DNMBP: variants seen among roughly 807,000 people sequenced by gnomAD.
DNMBP encodes the protein dynamin binding protein.
In DNMBP, 87 loss-of-function variants were observed where a neutral mutation model predicts 150.0. The observed-to-expected ratio is 0.58, with a 90% CI of 0.49 to 0.69. The LOEUF (loss-of-function observed/expected upper bound fraction) is 0.69, where lower values mean the gene tolerates loss of function less well. Ranked by LOEUF, DNMBP falls within the 30% of genes least tolerant of loss-of-function variation. The probability of loss-of-function intolerance (pLI) is 0.00; values close to 1 mark genes in which losing one functional copy is unlikely to be tolerated. For missense variants in DNMBP, 1,774 were observed against 1,949.0 expected, an observed-to-expected ratio of 0.91 and a Z score of 1.69; for synonymous variants, 711 against 750.4, an observed-to-expected ratio of 0.95 and a Z score of 0.86.
chr10:99,900,208 A>T, intron 6 of DNMBP, 142 bp from the exon 7 acceptor site: 1 of 809,666 alleles, frequency 1.2e-6, no homozygotes, highest in South Asian at 1.8e-5. Context: ...ATCAAATAGT[A>T]AGAAACTTCC....
In DNMBP at chr10:100,003,665, G is replaced by A. The variant is rs371562299; in HGVS notation, c.-11+6173C>T. Among the ~76,000 whole-genome samples the A allele has an allele frequency of 1.3e-4, 20 of 152,092 alleles. No individual in the cohort carries two copies. The South Asian group carries it at 3.7e-3, about 28-fold the overall frequency. Reference sequence around the variant, plus strand: ...GAGTTACTGGCCAGGGCCCAGCCAGGGCAACAGAGTGAGACCTCATCTCTA... The same window carrying A: ...GAGTTACTGGCCAGGGCCCAGCCAGAGCAACAGAGTGAGACCTCATCTCTA... On this transcript the variant is annotated intron_variant, in intron 1 of 16. Transcript: ENST00000324109.
At chr10:99,883,967 T>A in intron 15 of DNMBP, 44 bp downstream of exon 15, 1 of 1,313,628 alleles carries the variant, frequency 7.6e-7, no homozygotes, top group Non-Finnish European at 1.0e-6. Flanking sequence ...AAAACTACTA[T>A]TTTTTTTTTC....
At chr10:99,946,988 C>A (rs1268717241) in intron 4 of DNMBP, among the ~76,000 whole-genome samples, 2 of 152,166 alleles carry the variant, frequency 1.3e-5, no homozygotes, top group Non-Finnish European at 2.9e-5. Context: ...CATCGCTAAT[C>A]ATCAGAGAAG....
chr10:99,953,000 G>A (rs910491582), intron 4 of DNMBP, among the ~76,000 whole-genome samples: 24 of 152,146 alleles, frequency 1.6e-4, no homozygotes, highest in African/African-American at 5.8e-4. Flanking sequence ...CAAGCCAAAA[G>A]TGACATGTAT....
intron 3 of DNMBP, chr10:99,957,545 C>T (rs968843444): frequency 1.1e-5 from 3 of 262,862 alleles, no homozygotes; most frequent in Non-Finnish European, 2.2e-5. Context: ...GTGATTAAAA[C>T]TGCTGGCCAG....
intron 1 of DNMBP, among the ~76,000 whole-genome samples, chr10:99,996,662 GTCTT>G (rs1289781124): frequency 2.0e-5 from 3 of 152,268 alleles, no homozygotes; most frequent in Middle Eastern, 3.4e-3. Context: ...TTTATTGAAT[GTCTT>G]TCTTTTTCTA....
chr10:99,925,046 T>C (rs562198020), intron 4 of DNMBP, among the ~76,000 whole-genome samples: 31 of 152,318 alleles, frequency 2.0e-4, no homozygotes, highest in Admixed American at 1.2e-3. Flanking sequence ...CCCGAGTCCA[T>C]ATCCTCTCTT....
chr10:99,937,132 A>C (rs1465615253), intron 4 of DNMBP, among the ~76,000 whole-genome samples: 3 of 151,604 alleles, frequency 2.0e-5, no homozygotes, highest in Non-Finnish European at 4.4e-5. Flanking sequence ...GAACTCCTGA[A>C]CTCCTGACCT....
chr10:99,900,186 C>T (rs1025607305), intron 6 of DNMBP, 120 bp from the exon 7 acceptor site: 2 of 921,896 alleles, frequency 2.2e-6, no homozygotes, highest in Non-Finnish European at 3.3e-6. Context: ...AGAAATGATA[C>T]TAAGACTATC....
intron 4 of DNMBP, among the ~76,000 whole-genome samples, chr10:99,946,174 T>G (rs1255392797): frequency 2.6e-5 from 4 of 152,204 alleles, no homozygotes; most frequent in African/African-American, 9.6e-5. Context: ...GCCAGGCTGG[T>G]CTCAAATTCC....
At chr10:99,884,832 G>T (rs998008921) in intron 14 of DNMBP, among the ~76,000 whole-genome samples, 3 of 152,010 alleles carry the variant, frequency 2.0e-5, no homozygotes, top group Non-Finnish European at 4.4e-5. Context: ...GAACCTGGGA[G>T]GGTGGAGGAT....
At chr10:99,928,724 G>C (rs1004292911) in intron 4 of DNMBP, among the ~76,000 whole-genome samples, 4 of 152,154 alleles carry the variant, frequency 2.6e-5, no homozygotes, top group Admixed American at 2.6e-4. Context: ...AAGAGTGTCA[G>C]TACTCATCAT....
intron 3 of DNMBP, among the ~76,000 whole-genome samples, chr10:99,958,833 G>A (rs918881369): frequency 2.6e-5 from 4 of 152,146 alleles, no homozygotes; most frequent in Non-Finnish European, 5.9e-5. Flanking sequence ...ATAGATTAAT[G>A]AATTTTAGTG....
intron 4 of DNMBP, among the ~76,000 whole-genome samples, chr10:99,923,649 T>C (rs1408470899): frequency 1.3e-5 from 2 of 152,104 alleles, no homozygotes; most frequent in Admixed American, 6.5e-5. Context: ...CCTACTGGCG[T>C]CTAAGATTTC....
chr10:100,003,715 A>C (rs555902588), intron 1 of DNMBP, among the ~76,000 whole-genome samples: 9 of 152,018 alleles, frequency 5.9e-5, no homozygotes, highest in South Asian at 2.1e-4. Context: ...ACAACAACAA[A>C]AAACTTATAA....
intron 11 of DNMBP, among the ~76,000 whole-genome samples, chr10:99,889,955 A>G (rs2039531958): frequency 6.6e-6 from 1 of 152,176 alleles, no homozygotes; most frequent in Non-Finnish European, 1.5e-5. Flanking sequence ...CGTCTCAAAG[A>G]CAACTGCCCT....
chr10:99,950,736 G>A (rs947260743), intron 4 of DNMBP, among the ~76,000 whole-genome samples: 1 of 152,188 alleles, frequency 6.6e-6, no homozygotes, highest in Admixed American at 6.6e-5. Flanking sequence ...AAATTTCTAA[G>A]CAGCAAAGCA....
At position 99,955,682 on chromosome 10, in the gene DNMBP, C is replaced by T. The variant is rs148782043; in HGVS notation, c.1792G>A (p.Glu598Lys). The change falls in exon 4 of 17, where the codon GAG becomes AAG. Residue 598 changes from glutamate (E) to lysine (K), a missense_variant. Around this residue, in one of 2 missense-constraint regions of DNMBP, gnomAD observed 1,430 missense variants for 1,492.5 expected, o/e 0.96. Transcript: ENST00000324109. ...TTTCTCCTTTCCGGCAGCTCCTGCT[C>T]GGTGATTAACTTTGAGGAACCTCGG... ...IVRGSSKLITEQELPERRKAL... is the reference protein window; with the variant it reads ...IVRGSSKLITKQELPERRKAL... 1.2e-5 allele frequency: 20 copies of T among 1,614,184 alleles called. No individual in the cohort carries two copies. In the African/African-American group the frequency reaches 2.1e-4, roughly 17 times the overall value.
At chr10:99,994,374 A>G (rs1445703213) in intron 1 of DNMBP, among the ~76,000 whole-genome samples, 1 of 152,242 alleles carries the variant, frequency 6.6e-6, no homozygotes, top group East Asian at 1.9e-4. Flanking sequence ...AATGTCAGCA[A>G]TGAGAACAGT....
Sources: gnomAD v4.1 joint callset for allele counts (sites outside exome capture counted in the v4.1 genomes callset) on GRCh38, gnomAD v4.1.1 for gene constraint, gnomAD v4.1.1 regional missense constraint, MANE v1.5 for transcripts, NCBI Gene and HGNC (gene_info 2026-07-23, HGNC 2026-07-21) for gene names.